Variants in KGD4 observed in about 807,000 individuals in gnomAD.
The protein encoded by KGD4 is alpha-ketoglutarate dehydrogenase component 4.
At chr5:69,224,392 A>T in the KGD4 span, among the ~76,000 whole-genome samples, 1 of 109,384 alleles carries the variant, frequency 9.1e-6, no homozygotes, top group East Asian at 2.1e-4. Context: ...TCCATCTCAA[A>T]AAAAAAAAAA....
chr5:69,220,342 G>A, the KGD4 span, among the ~76,000 whole-genome samples: 5 of 152,196 alleles, frequency 3.3e-5, no homozygotes, highest in East Asian at 1.9e-4. Flanking sequence ...GTCACAAAGC[G>A]TGGTCTCAGA....
chr5:69,229,278 G>T, the KGD4 span: 1 of 1,506,234 alleles, frequency 6.6e-7, no homozygotes, highest in Non-Finnish European at 9.1e-7. Flanking sequence ...TACAATAAAG[G>T]ACTTCCAAAA....
the KGD4 span, among the ~76,000 whole-genome samples, chr5:69,221,413 G>A: frequency 6.6e-6 from 1 of 152,060 alleles, no homozygotes; most frequent in Non-Finnish European, 1.5e-5. Flanking sequence ...GCTAACAAAT[G>A]AAAATCCAGT....
chr5:69,226,237 G>A, the KGD4 span: 13 of 805,878 alleles, frequency 1.6e-5, no homozygotes, highest in Non-Finnish European at 2.6e-5. Flanking sequence ...TAAAGTTGCT[G>A]TAAAATAGTA....
the KGD4 span, among the ~76,000 whole-genome samples, chr5:69,223,545 T>A: frequency 6.6e-6 from 1 of 152,332 alleles, no homozygotes; most frequent in South Asian, 2.1e-4. Flanking sequence ...ACTACAAATA[T>A]ATAAATATAT....
chr5:69,228,265 G>A, the KGD4 span: 1 of 1,609,082 alleles, frequency 6.2e-7, no homozygotes, highest in Admixed American at 1.7e-5. Flanking sequence ...ACATTCTAAA[G>A]GAAGTAAATC....
At chr5:69,218,530 C>T in the KGD4 span, among the ~76,000 whole-genome samples, 1 of 150,646 alleles carries the variant, frequency 6.6e-6, no homozygotes, top group Admixed American at 6.6e-5. Context: ...CCTATTTTCC[C>T]CTGGTTTAGA....
At chr5:69,226,260 G>A in the KGD4 span, 7 of 962,960 alleles carry the variant, frequency 7.3e-6, no homozygotes, top group African/African-American at 3.3e-5. Context: ...TTTAACAAAC[G>A]TATCTACTTA....
chr5:69,227,438 A>G, the KGD4 span, among the ~76,000 whole-genome samples: 1 of 152,148 alleles, frequency 6.6e-6, no homozygotes, highest in Non-Finnish European at 1.5e-5. Context: ...TTTATTCAAA[A>G]TTAATGGGAG....
the KGD4 span, among the ~76,000 whole-genome samples, chr5:69,221,840 C>T: frequency 1.3e-5 from 2 of 151,322 alleles, no homozygotes; most frequent in Admixed American, 6.6e-5. Context: ...GGAGAAAATA[C>T]TTTCAAAAGA....
the KGD4 span, among the ~76,000 whole-genome samples, chr5:69,222,713 AT>A: frequency 6.6e-6 from 1 of 151,978 alleles, no homozygotes; most frequent in East Asian, 1.9e-4. Context: ...AAACTTCTAA[AT>A]AGGGGAGTGA....
chr5:69,228,362 C>T, the KGD4 span: 2 of 1,600,232 alleles, frequency 1.2e-6, no homozygotes, highest in Non-Finnish European at 1.7e-6. Flanking sequence ...AAACTTGTGT[C>T]TCAAGAAGAA....
the KGD4 span, among the ~76,000 whole-genome samples, chr5:69,224,967 G>A: frequency 3.4e-4 from 52 of 151,520 alleles, no homozygotes; most frequent in Admixed American, 2.0e-3. Flanking sequence ...CCAGCTACTC[G>A]GGAGGCTGGG....
the KGD4 span, among the ~76,000 whole-genome samples, chr5:69,224,033 A>T: frequency 7.2e-5 from 6 of 83,868 alleles, no homozygotes; most frequent in South Asian, 1.5e-3. Context: ...ACTCTGTCTA[A>T]AAAAAAAAAA....
the KGD4 span, chr5:69,226,266 A>G: frequency 9.7e-7 from 1 of 1,030,702 alleles, no homozygotes; most frequent in Non-Finnish European, 1.5e-6. Context: ...AAACGTATCT[A>G]CTTATGAGGT....
the KGD4 span, among the ~76,000 whole-genome samples, chr5:69,224,935 G>C: frequency 2.6e-5 from 4 of 151,814 alleles, no homozygotes; most frequent in African/African-American, 9.7e-5. Context: ...CTAGCCGGGC[G>C]TGGTGGCACG....
the KGD4 span, among the ~76,000 whole-genome samples, chr5:69,223,074 CTT>C: frequency 3.4e-5 from 2 of 59,126 alleles, no homozygotes; most frequent in African/African-American, 8.2e-5. Flanking sequence ...CGGTGCGCAG[CTT>C]TTTTTTTTTT....
the KGD4 span, among the ~76,000 whole-genome samples, chr5:69,220,104 A>G: frequency 2.0e-5 from 3 of 151,802 alleles, no homozygotes; most frequent in African/African-American, 7.3e-5. Context: ...GGTGATGTGC[A>G]CCTGTGGTCC....
the KGD4 span, among the ~76,000 whole-genome samples, chr5:69,219,817 C>A: frequency 5.8e-3 from 881 of 152,242 alleles, 15 homozygotes; most frequent in African/African-American, 0.02. Flanking sequence ...AGAGCAAGAC[C>A]TGGTCTCGAA....
Sources: gnomAD v4.1 joint callset for allele counts (sites outside exome capture counted in the v4.1 genomes callset) on GRCh38, gnomAD v4.1.1 for gene constraint, MANE v1.5 for transcripts, NCBI Gene and HGNC (gene_info 2026-07-23, HGNC 2026-07-21) for gene names.